The following EFNA5 variants were observed in gnomAD, a reference collection of about 807,000 sequenced individuals.
The protein encoded by EFNA5 is ephrin A5, also known as ephrin-A5.
A neutral mutation model predicts 22.9 loss-of-function variants in EFNA5; 5 were observed. The observed-to-expected ratio is 0.22, with a 90% CI of 0.11 to 0.46. The LOEUF is 0.46. Among genes scored for constraint, EFNA5 ranks in the 20% least tolerant of loss-of-function variants. EFNA5 has a pLI of 0.99. For synonymous variants in EFNA5, 113 were observed against 112.2 expected, an observed-to-expected ratio of 1.01 and a Z score of -0.04; for missense variants, 237 against 293.3, an observed-to-expected ratio of 0.81 and a Z score of 1.40.
chr5:107,431,757 A>C (rs781586880), intron 1 of EFNA5, among the ~76,000 whole-genome samples: 1 of 152,166 alleles, frequency 6.6e-6, no homozygotes. Context: ...TCTCTCCTTC[A>C]TTCACGGATG....
At chr5:107,640,447 T>C (rs1455914363) in intron 1 of EFNA5, among the ~76,000 whole-genome samples, 1 of 152,270 alleles carries the variant, frequency 6.6e-6, no homozygotes, top group African/African-American at 2.4e-5. Flanking sequence ...GTGAAGCTAC[T>C]TCTATAGTGA....
chr5:107,482,164 G>A (rs1405192986), intron 1 of EFNA5, among the ~76,000 whole-genome samples: 1 of 152,014 alleles, frequency 6.6e-6, no homozygotes, highest in Non-Finnish European at 1.5e-5. Context: ...AAATTAGCCA[G>A]GTGTGGTAGC....
At chr5:107,505,720 C>G (rs1747238450) in intron 1 of EFNA5, among the ~76,000 whole-genome samples, 1 of 152,196 alleles carries the variant, frequency 6.6e-6, no homozygotes, top group Admixed American at 6.5e-5. Flanking sequence ...GTACACAACA[C>G]TGTGAGAATC....
rs567486994 is a variant in EFNA5 at position 107,507,557 on chromosome 5, C to T, written c.126-80048G>A. On this transcript the variant is annotated intron_variant, in intron 1 of 4. Coordinates refer to ENST00000333274, the MANE Select transcript of EFNA5 (RefSeq NM_001962.3). ...TTTGGATATAAATAACGGAAAATGGCAAGGCGTGGTGGCTCACACCTGTAA... is the reference window on the plus strand; with the variant it reads ...TTTGGATATAAATAACGGAAAATGGTAAGGCGTGGTGGCTCACACCTGTAA... 6.4e-4 allele frequency among the ~76,000 whole-genome samples: 98 copies of T among 152,192 alleles called. 1 individual carries two copies. Among genetic ancestry groups the T allele is most frequent in the Admixed American group, 3.3e-3 (51 of 15,278 alleles).
chr5:107,483,551 G>C (rs1008100071), intron 1 of EFNA5, among the ~76,000 whole-genome samples: 7 of 152,174 alleles, frequency 4.6e-5, no homozygotes, highest in African/African-American at 1.7e-4. Flanking sequence ...CCTACTAAAA[G>C]AACATGATTT....
intron 1 of EFNA5, among the ~76,000 whole-genome samples, chr5:107,428,615 T>C (rs1748866015): frequency 6.6e-6 from 1 of 152,218 alleles, no homozygotes; most frequent in Non-Finnish European, 1.5e-5. Context: ...AACTCCTTTG[T>C]TTTTAGCTGG....
chr5:107,463,819 C>T (rs955853944), intron 1 of EFNA5, among the ~76,000 whole-genome samples: 1 of 152,110 alleles, frequency 6.6e-6, no homozygotes, highest in African/African-American at 2.4e-5. Flanking sequence ...GCAGTATGCA[C>T]TTTGGTTCCT....
chr5:107,388,582 T>C (rs1747700071), intron 2 of EFNA5: 1 of 152,152 alleles, frequency 6.6e-6, no homozygotes, highest in Admixed American at 6.5e-5. Flanking sequence ...TTCCCTATGG[T>C]TGAAAGATTA....
At chr5:107,418,207 T>A (rs1445235669) in intron 2 of EFNA5, among the ~76,000 whole-genome samples, 2 of 152,168 alleles carry the variant, frequency 1.3e-5, no homozygotes, top group African/African-American at 4.8e-5. Flanking sequence ...CAACCCAAAG[T>A]CAATGAAGTA....
chr5:107,481,854 A>AAC, intron 1 of EFNA5, among the ~76,000 whole-genome samples: 1 of 150,472 alleles, frequency 6.6e-6, no homozygotes, highest in East Asian at 2.0e-4. Flanking sequence ...CATCTCAAAA[A>AAC]AAAAAAAAAG....
In EFNA5 at chr5:107,507,198, T is replaced by C. The variant is rs183888944; in HGVS notation, c.126-79689A>G. On this transcript the variant is annotated intron_variant, in intron 1 of 4. Transcript: ENST00000333274. Reference sequence around the variant, plus strand: ...TTAGAAGTAATCTAATCCCACAGCATTTTAGAGATGAGAAGAATGGGAGGA... The same window carrying C: ...TTAGAAGTAATCTAATCCCACAGCACTTTAGAGATGAGAAGAATGGGAGGA... Among the ~76,000 whole-genome samples, 448 of 152,328 alleles carry C rather than the reference T, an allele frequency of 2.9e-3. 1 individual carries two copies. The highest frequency in any genetic ancestry group is 0.01 in the African/African-American group (434 of 41,572).
chr5:107,600,064 T>G (rs764667375), intron 1 of EFNA5, among the ~76,000 whole-genome samples: 1 of 152,236 alleles, frequency 6.6e-6, no homozygotes, highest in Non-Finnish European at 1.5e-5. Context: ...AGAACCTGGA[T>G]GCTAAAGTTC....
rs533232711 is a variant in EFNA5 at position 107,609,368 on chromosome 5, G to T, written c.125+61121C>A. On this transcript the variant is annotated intron_variant, in intron 1 of 4. Transcript: ENST00000333274. Reference sequence around the variant, plus strand: ...CATTATTAAAATTACCTATAAGACTGGTAATTAAAGCTAACCGTCTGCCAT... The same window carrying T: ...CATTATTAAAATTACCTATAAGACTTGTAATTAAAGCTAACCGTCTGCCAT... Among the ~76,000 whole-genome samples, 3 of 152,236 alleles carry T rather than the reference G, an allele frequency of 2.0e-5. No homozygotes were observed. In the East Asian group the frequency reaches 5.8e-4, roughly 29 times the overall value.
intron 1 of EFNA5, among the ~76,000 whole-genome samples, chr5:107,610,285 A>T (rs1580558911): frequency 6.6e-6 from 1 of 152,238 alleles, no homozygotes; most frequent in East Asian, 1.9e-4. Flanking sequence ...ATAATATTGA[A>T]GGTTTTCAGG....
chr5:107,493,178 T>C (rs1013693613), intron 1 of EFNA5, among the ~76,000 whole-genome samples: 6 of 152,008 alleles, frequency 3.9e-5, no homozygotes, highest in Non-Finnish European at 7.4e-5. Context: ...TTGTTCACTT[T>C]CTAGAGCAAA....
At chr5:107,389,997 T>A (rs1747738897) in intron 2 of EFNA5, among the ~76,000 whole-genome samples, 1 of 152,178 alleles carries the variant, frequency 6.6e-6, no homozygotes, top group Non-Finnish European at 1.5e-5. Context: ...GCACACAATG[T>A]GATATGTGAG....
intron 1 of EFNA5, among the ~76,000 whole-genome samples, chr5:107,646,071 GCT>G (rs1196515189): frequency 2.0e-5 from 3 of 152,178 alleles, no homozygotes; most frequent in African/African-American, 7.2e-5. Context: ...CTAAAGCACA[GCT>G]CTTTTTCTGT....
intron 1 of EFNA5, among the ~76,000 whole-genome samples, chr5:107,618,084 G>T (rs1282029990): frequency 6.6e-6 from 1 of 151,822 alleles, no homozygotes; most frequent in East Asian, 1.9e-4. Context: ...ATTATGCAAA[G>T]ATTTTCTGAG....
intron 1 of EFNA5, among the ~76,000 whole-genome samples, chr5:107,444,280 T>C (rs1319410270): frequency 2.0e-5 from 3 of 152,248 alleles, no homozygotes; most frequent in Admixed American, 6.5e-5. Flanking sequence ...TCTTTTCCTA[T>C]TAGAGTGCTA....
Sources: gnomAD v4.1 joint callset for allele counts (sites outside exome capture counted in the v4.1 genomes callset) on GRCh38, gnomAD v4.1.1 for gene constraint, MANE v1.5 for transcripts, NCBI Gene and HGNC (gene_info 2026-07-23, HGNC 2026-07-21) for gene names.